The following ADIPOR2 variants were observed in gnomAD, a reference collection of about 807,000 sequenced individuals.
The protein encoded by ADIPOR2 is adiponectin receptor 2.
A neutral mutation model predicts 40.9 loss-of-function variants in ADIPOR2; 18 were observed. The observed-to-expected ratio is 0.44, with a 90% CI of 0.30 to 0.65. The LOEUF (loss-of-function observed/expected upper bound fraction) is 0.65, where lower values mean the gene tolerates loss of function less well. ADIPOR2 is among the 30% of genes least tolerant of loss of function. ADIPOR2 has a pLI of 0.09. For missense variants in ADIPOR2, 283 were observed against 479.2 expected, an observed-to-expected ratio of 0.59 and a Z score of 3.82; for synonymous variants, 165 against 166.4, an observed-to-expected ratio of 0.99 and a Z score of 0.06.
At chr12:1,700,776 T>G (rs1167175906) in intron 1 of ADIPOR2, among the ~76,000 whole-genome samples, 2 of 138,976 alleles carry the variant, frequency 1.4e-5, no homozygotes, top group Non-Finnish European at 3.1e-5. Flanking sequence ...GCTGTTTTGT[T>G]GTTGTTAGTG....
At chr12:1,753,878 A>G (rs199966197) in intron 1 of ADIPOR2, among the ~76,000 whole-genome samples, 10 of 152,324 alleles carry the variant, frequency 6.6e-5, no homozygotes, top group African/African-American at 2.2e-4. Flanking sequence ...AATATGATAC[A>G]TGGTTAAAAA....
At chr12:1,715,420 A>T (rs1340190399) in intron 1 of ADIPOR2, among the ~76,000 whole-genome samples, 1 of 152,026 alleles carries the variant, frequency 6.6e-6, no homozygotes, top group Non-Finnish European at 1.5e-5. Flanking sequence ...GTGGCTTAGG[A>T]TGCATTTCAA....
intron 2 of ADIPOR2, among the ~76,000 whole-genome samples, chr12:1,765,364 G>T (rs1037427495): frequency 1.3e-5 from 2 of 152,136 alleles, no homozygotes; most frequent in Admixed American, 1.3e-4. Flanking sequence ...GTGGTGTTAG[G>T]TTGGGAATTA....
At chr12:1,766,304 C>T (rs1488792655) in intron 2 of ADIPOR2, among the ~76,000 whole-genome samples, 1 of 152,174 alleles carries the variant, frequency 6.6e-6, no homozygotes, top group Non-Finnish European at 1.5e-5. Flanking sequence ...TTATTGAGTA[C>T]ACACTGGCAC....
chr12:1,714,182 C>A lies in ADIPOR2; in HGVS notation c.-87+22991C>A, dbSNP rs116742408. Reference sequence around the variant, plus strand: ...CTTGCAAACCAAATTGATAACAAGCCTAACCGGGTGATTGGCCTGCTCCAT... The same window carrying A: ...CTTGCAAACCAAATTGATAACAAGCATAACCGGGTGATTGGCCTGCTCCAT... On this transcript the variant is annotated intron_variant, in intron 1 of 7. Coordinates refer to ENST00000357103, the MANE Select transcript of ADIPOR2 (RefSeq NM_024551.3). Among the ~76,000 whole-genome samples the A allele has an allele frequency of 2.9e-3, 440 of 152,194 alleles. 5 individuals carry two copies. Among genetic ancestry groups the A allele is most frequent in the African/African-American group, 0.01 (424 of 41,444 alleles).
chr12:1,768,767 A>G (rs1017784172), intron 2 of ADIPOR2, among the ~76,000 whole-genome samples: 1 of 152,208 alleles, frequency 6.6e-6, no homozygotes, highest in Non-Finnish European at 1.5e-5. Flanking sequence ...AAATGTTACT[A>G]TGTTTTGAAA....
intron 1 of ADIPOR2, among the ~76,000 whole-genome samples, chr12:1,703,796 T>C (rs1179832989): frequency 6.6e-6 from 1 of 152,124 alleles, no homozygotes; most frequent in African/African-American, 2.4e-5. Flanking sequence ...TTTGTTTTTT[T>C]GTTTGCGACA....
At chr12:1,764,074 C>A (rs570443196) in intron 2 of ADIPOR2, among the ~76,000 whole-genome samples, 5 of 152,140 alleles carry the variant, frequency 3.3e-5, no homozygotes, top group Non-Finnish European at 7.4e-5. Context: ...GAGTTTTAGT[C>A]CTGGCTGTAC....
intron 1 of ADIPOR2, among the ~76,000 whole-genome samples, chr12:1,738,209 CAAAA>C (rs56395738): frequency 2.3e-5 from 2 of 85,610 alleles, no homozygotes; most frequent in East Asian, 3.3e-4. Context: ...CCTGTCTCTA[CAAAA>C]AAAAAAAAAA....
intron 2 of ADIPOR2, among the ~76,000 whole-genome samples, chr12:1,758,622 G>T (rs967268312): frequency 1.3e-5 from 2 of 152,168 alleles, no homozygotes; most frequent in African/African-American, 4.8e-5. Flanking sequence ...AAAGAAGGGG[G>T]ATAGATAAGA....
intron 3 of ADIPOR2, among the ~76,000 whole-genome samples, chr12:1,774,021 G>C (rs1342915264): frequency 1.3e-5 from 2 of 152,170 alleles, no homozygotes; most frequent in Non-Finnish European, 2.9e-5. Flanking sequence ...TAGCCAGTTT[G>C]AAAATGAGTG....
At chr12:1,723,460 A>G (rs867081126) in intron 1 of ADIPOR2, among the ~76,000 whole-genome samples, 16 of 76,508 alleles carry the variant, frequency 2.1e-4, no homozygotes, top group Admixed American at 7.2e-4. Flanking sequence ...CCCCGTCTCT[A>G]CTGAAAAAAA....
At chr12:1,757,394 C>T in intron 2 of ADIPOR2, 1 of 723,204 alleles carries the variant, frequency 1.4e-6, no homozygotes, top group South Asian at 1.5e-5. Context: ...TGGCATCTTT[C>T]ATGTGAACCA....
chr12:1,693,235 G>C (rs1029032801), intron 1 of ADIPOR2, among the ~76,000 whole-genome samples: 7 of 152,142 alleles, frequency 4.6e-5, no homozygotes, highest in African/African-American at 1.7e-4. Flanking sequence ...GTTTCTTTTG[G>C]GGTACAGCAG....
intron 1 of ADIPOR2, among the ~76,000 whole-genome samples, chr12:1,704,435 TAAA>T (rs1222780952): frequency 2.0e-5 from 3 of 152,208 alleles, no homozygotes; most frequent in Non-Finnish European, 4.4e-5. Context: ...TGCTTTCACT[TAAA>T]AAAGAAATTG....
At chr12:1,692,164 AT>A (rs2094628504) in intron 1 of ADIPOR2, among the ~76,000 whole-genome samples, 1 of 151,322 alleles carries the variant, frequency 6.6e-6, no homozygotes, top group African/African-American at 2.4e-5. Context: ...AACATTTAGC[AT>A]TATTTGATCA....
chr12:1,727,933 A>G (rs1041170991), intron 1 of ADIPOR2, among the ~76,000 whole-genome samples: 1 of 151,214 alleles, frequency 6.6e-6, no homozygotes, highest in Admixed American at 6.6e-5. Context: ...ACTCATGTGT[A>G]TTTTCTTTCT....
chr12:1,780,249 T>G (rs566474043), intron 4 of ADIPOR2: 1 of 486,222 alleles, frequency 2.1e-6, no homozygotes. Context: ...ATTCAGTTTA[T>G]GAAGCTGAAG....
intron 1 of ADIPOR2, among the ~76,000 whole-genome samples, chr12:1,708,545 G>A (rs1365680305): frequency 6.6e-6 from 1 of 152,132 alleles, no homozygotes; most frequent in Non-Finnish European, 1.5e-5. Flanking sequence ...GTTAATTTTT[G>A]TGTAGGATGT....
Sources: gnomAD v4.1 joint callset for allele counts (sites outside exome capture counted in the v4.1 genomes callset) on GRCh38, gnomAD v4.1.1 for gene constraint, MANE v1.5 for transcripts, NCBI Gene and HGNC (gene_info 2026-07-23, HGNC 2026-07-21) for gene names.